MYO7A: variants seen among roughly 807,000 people sequenced by gnomAD.
MYO7A encodes myosin VIIA.
Under a neutral mutation model 263.8 loss-of-function variants are expected in MYO7A, and 210 were observed. The ratio of observed to expected loss-of-function variants is 0.80; its 90% CI spans 0.71 to 0.89. The LOEUF (loss-of-function observed/expected upper bound fraction) is 0.89, where lower values mean the gene tolerates loss of function less well. MYO7A is among the 40% of genes least tolerant of loss of function. The probability of loss-of-function intolerance (pLI) is 0.00; values close to 1 mark genes in which losing one functional copy is unlikely to be tolerated. For synonymous variants in MYO7A, 1,239 were observed against 1,197.3 expected (o/e 1.03, Z -0.72); for missense variants, 2,820 against 2,968.3 (o/e 0.95, Z 1.16).
Position 77,213,867 on chromosome 11 carries a change from T to C in MYO7A, c.6446T>C (p.Leu2149Pro). Residue 2149 changes from leucine to proline, a missense_variant, in exon 48 of 49, where the codon CTC becomes CCC. By Grantham distance (98) the Leu-to-Pro change is moderately conservative. Transcript: ENST00000409709. ...SLIDPKTKDI[L>P]TTHPFTKISN... is the part of the protein sequence containing the mutation. The stretch of plus-strand genomic sequence containing the variant: ...CCCTTTCTGCTCCCCCAGGATATCC[T>C]CACCACTCATCCCTTCACCAAGATC... The C allele has an allele frequency of 6.2e-7, 1 of 1,614,016 alleles. No homozygotes were observed.
rs370726764 is a variant in MYO7A at position 77,138,759 on chromosome 11, C to T, written c.19-3950C>T. ...AGCCATAGTTTATGGACTGGCTGACCGCTGATGGAAGAGAAAGCTAGGCCC... is the reference window on the plus strand; with the variant it reads ...AGCCATAGTTTATGGACTGGCTGACTGCTGATGGAAGAGAAAGCTAGGCCC... On this transcript the variant is annotated intron_variant, in intron 2 of 48. Transcript: ENST00000409709. The surrounding 1 kb of genome is among the most constrained non-coding windows in gnomAD (Gnocchi z 4.9). Among the ~76,000 whole-genome samples the T allele has an allele frequency of 1.3e-5, 2 of 152,284 alleles. No individual in the cohort carries two copies. Among genetic ancestry groups the T allele is most frequent in the South Asian group, 2.1e-4 (1 of 4,830 alleles).
At chr11:77,201,672 G>T in intron 36 of MYO7A, 34 bp downstream of exon 36, 1 of 1,601,120 alleles carries the variant, frequency 6.2e-7, no homozygotes, top group Non-Finnish European at 8.5e-7. Context: ...TGGGTGGGAG[G>T]TGCCATTAGA....
At chr11:77,195,155 A>T (rs1468484448) in intron 32 of MYO7A, among the ~76,000 whole-genome samples, 1 of 151,652 alleles carries the variant, frequency 6.6e-6, no homozygotes, top group Non-Finnish European at 1.5e-5. Flanking sequence ...CCCGGATCTC[A>T]CCCCTCCACC....
intron 20 of MYO7A, 60 bp downstream of exon 20, chr11:77,179,189 A>G: frequency 1.4e-6 from 2 of 1,475,634 alleles, no homozygotes; most frequent in South Asian, 1.2e-5. Flanking sequence ...CCTTGCTGCC[A>G]TGGCAGTGGG....
chr11:77,212,267 T>C (rs779954928), intron 46 of MYO7A: 40 of 469,102 alleles, frequency 8.5e-5, no homozygotes, highest in African/African-American at 2.0e-4. Flanking sequence ...AGAAGGCCTC[T>C]TAGAGGAGGT....
intron 2 of MYO7A, among the ~76,000 whole-genome samples, chr11:77,139,893 C>G (rs1038000744): frequency 1.1e-4 from 17 of 152,168 alleles, no homozygotes; most frequent in African/African-American, 3.9e-4. Context: ...CAAGAACTTT[C>G]CCTAGGGCCA....
At chr11:77,202,654 C>T (rs966130430) in intron 37 of MYO7A, among the ~76,000 whole-genome samples, 2 of 151,786 alleles carry the variant, frequency 1.3e-5, no homozygotes, top group Non-Finnish European at 2.9e-5. Context: ...GCTGGGCATT[C>T]GAGACTGAGT....
chr11:77,181,857 T>C (rs1419043312), intron 23 of MYO7A, 94 bp from the exon 24 acceptor site: 6 of 1,041,536 alleles, frequency 5.8e-6, no homozygotes, highest in Non-Finnish European at 8.5e-6. Flanking sequence ...TGATCACAGC[T>C]CACTGCAGCC....
intron 38 of MYO7A, 149 bp from the exon 39 acceptor site, chr11:77,203,927 G>T: frequency 2.4e-6 from 2 of 837,908 alleles, no homozygotes; most frequent in Non-Finnish European, 3.6e-6. Flanking sequence ...GAGAGAGGGT[G>T]GGGCAGATCA....
In MYO7A at chr11:77,156,214, C is replaced by A. The variant is rs115455067; in HGVS notation, c.470+123C>A. On this transcript the variant is annotated intron_variant, in intron 5 of 48. Coordinates refer to ENST00000409709, the MANE Select transcript of MYO7A (RefSeq NM_000260.4). The stretch of plus-strand genomic sequence containing the variant: ...GAAATGCCATCAAGCTCTTCAGGAA[C>A]CAGACCTATGTACTCTGTGCTGTGT... 1.7e-3 allele frequency: 1,831 copies of A among 1,062,878 alleles called. 22 individuals are homozygous for A. The African/African-American group carries it at 0.026, about 15-fold the overall frequency. 65.8% of individuals were successfully genotyped at this position (1,062,878 alleles called of 1,614,324 possible).
chr11:77,141,348 C>T (rs185049716), intron 2 of MYO7A, among the ~76,000 whole-genome samples: 12 of 152,282 alleles, frequency 7.9e-5, no homozygotes, highest in East Asian at 1.9e-4. Flanking sequence ...CACCCAAGGC[C>T]GGGTAGGGCC....
chr11:77,143,550 G>T (rs909098696), intron 3 of MYO7A, among the ~76,000 whole-genome samples: 2 of 152,260 alleles, frequency 1.3e-5, no homozygotes, highest in African/African-American at 4.8e-5. Context: ...GGAGAAGGTG[G>T]CTGGTTCACG....
rs114916965 is a variant in MYO7A at position 77,206,545 on chromosome 11, C to G, written c.5742+343C>G. Among the ~76,000 whole-genome samples the G allele has an allele frequency of 9.0e-3, 1,375 of 152,334 alleles. 19 individuals are homozygous for G. The highest frequency in any genetic ancestry group is 0.031 in the African/African-American group (1,300 of 41,580). On this transcript the variant is annotated intron_variant, in intron 41 of 48. Coordinates refer to ENST00000409709, the MANE Select transcript of MYO7A (RefSeq NM_000260.4). ...CCTGATGTAGGGCCCCACTGGCCCC[C>G]AGGTCCAGACCTCCCCTGTCGACTG...
Position 77,214,644 on chromosome 11 carries a change from G to A in MYO7A, c.6596G>A (p.Ser2199Asn). 2 of 1,589,840 alleles carry A rather than the reference G, an allele frequency of 1.3e-6. No individual in the cohort carries two copies. Among genetic ancestry groups the A allele is most frequent in the Non-Finnish European group, 1.7e-6 (2 of 1,168,262 alleles). ...GATGACCTCCTGACTTCCTACATTA[G>A]CCAGATGCTCACAGCCATGAGCAAA... Reference protein sequence around the residue: ...KMDDLLTSYISQMLTAMSKQR... With the variant: ...KMDDLLTSYINQMLTAMSKQR... Residue 2199 changes from serine (S) to asparagine (N), a missense_variant, in exon 49 of 49, where the codon AGC (serine) becomes AAC (asparagine). Ser to Asn is a conservative substitution (Grantham distance 46). Transcript: ENST00000409709.
intron 21 of MYO7A, 146 bp from the exon 22 acceptor site, chr11:77,180,228 C>T: frequency 1.3e-6 from 1 of 744,768 alleles, no homozygotes; most frequent in South Asian, 1.7e-5. Context: ...CGCTGGGTGA[C>T]CTAGAGAATT....
chr11:77,153,897 T>G (rs1003206596), intron 4 of MYO7A, among the ~76,000 whole-genome samples: 19 of 152,332 alleles, frequency 1.2e-4, no homozygotes, highest in African/African-American at 4.6e-4. Context: ...AATGGCTGCA[T>G]GGCATCAGCC....
chr11:77,140,058 G>A (rs1389254427), intron 2 of MYO7A, among the ~76,000 whole-genome samples: 2 of 152,224 alleles, frequency 1.3e-5, no homozygotes, highest in African/African-American at 4.8e-5. Context: ...TTGTAGTCAT[G>A]TCTGTTTGCT....
intron 27 of MYO7A, 69 bp downstream of exon 27, chr11:77,184,784 C>T (rs782063132): frequency 1.3e-6 from 2 of 1,569,792 alleles, no homozygotes; most frequent in Non-Finnish European, 1.7e-6. Context: ...CCTCTGTCAA[C>T]CTAGCAAGAG....
At position 77,138,356 on chromosome 11, in the gene MYO7A, C is replaced by T. The variant is rs1417013483; in HGVS notation, c.19-4353C>T. Among the ~76,000 whole-genome samples, 2 of 151,572 alleles carry T rather than the reference C, an allele frequency of 1.3e-5. No homozygotes were observed. Among genetic ancestry groups the T allele is most frequent in the Non-Finnish European group, 3.0e-5 (2 of 67,730 alleles). ...GCCGACCCCGCGCGCATCCCGCAGC[C>T]CGGCAAGTGGGCGCTGGTGCGCAGC... is the stretch of plus-strand genomic sequence containing the variant. On this transcript the variant is annotated intron_variant, in intron 2 of 48. Transcript: ENST00000409709. The surrounding 1 kb of genome is among the most constrained non-coding windows in gnomAD (Gnocchi z 4.9).
Sources: gnomAD v4.1 joint callset for allele counts (sites outside exome capture counted in the v4.1 genomes callset) on GRCh38, gnomAD v4.1.1 for gene constraint, Gnocchi (gnomAD v3.1) non-coding constraint, MANE v1.5 for transcripts, NCBI Gene and HGNC (gene_info 2026-07-23, HGNC 2026-07-21) for gene names.